PKD2: variants seen among roughly 807,000 people sequenced by gnomAD.
PKD2 encodes the protein polycystin 2, transient receptor potential cation channel.
Under a neutral mutation model 105.9 loss-of-function variants are expected in PKD2, and 48 were observed. The observed-to-expected ratio is 0.45, with a 90% CI of 0.36 to 0.58. PKD2 has a LOEUF of 0.58. Ranked by LOEUF, PKD2 falls within the 20% of genes least tolerant of loss-of-function variation. The pLI is 0.00. For missense variants in PKD2, 1,078 were observed against 1,255.3 expected (o/e 0.86, Z 2.13); for synonymous variants, 464 against 481.1 (o/e 0.96, Z 0.46).
chr4:88,045,173 A>C (rs2110114198), intron 5 of PKD2, among the ~76,000 whole-genome samples: 1 of 152,322 alleles, frequency 6.6e-6, no homozygotes, highest in Non-Finnish European at 1.5e-5. Context: ...TGTTTTTCTA[A>C]GTTTCTGGAA....
chr4:88,067,871 C>T (rs1465630443), intron 12 of PKD2, 27 bp from the exon 13 acceptor site: 4 of 1,609,178 alleles, frequency 2.5e-6, no homozygotes, highest in Non-Finnish European at 3.4e-6. Context: ...TGTTCTGCTC[C>T]TCACTCAGTG....
chr4:88,007,936 C>G lies in PKD2; in HGVS notation c.203C>G (p.Pro68Arg), dbSNP rs751221093. The G allele has an allele frequency of 2.7e-6, 4 of 1,461,504 alleles. No homozygotes were observed. The highest frequency in any genetic ancestry group is 1.5e-5 in the African/African-American group (1 of 68,296). The allele number at this position is 1,461,504 out of a possible 1,614,324, so 90.5% of individuals were successfully genotyped here. A position where few individuals can be genotyped will look rare whatever the true frequency, so the allele number is the denominator to read the frequency against. ...CGGCAGGCGGCCGCGCGGGACCCCC[C>G]GGCCGGAGCCGCGGCCTCCCCTTCT... The part of the protein sequence containing the change: ...RIRQAAARDP[P>R]AGAAASPSPP... Residue 68 changes from proline (P) to arginine (R), a missense_variant, in exon 1 of 15, where the codon CCG becomes CGG. Coordinates refer to ENST00000237596, the MANE Select transcript of PKD2 (RefSeq NM_000297.4).
At chr4:88,016,451 A>C (rs984644882) in intron 1 of PKD2, among the ~76,000 whole-genome samples, 1 of 152,114 alleles carries the variant, frequency 6.6e-6, no homozygotes, top group African/African-American at 2.4e-5. Flanking sequence ...TCCATCCTTA[A>C]CCATTCTTAT....
At chr4:88,038,790 AT>A (rs1161804180) in intron 4 of PKD2, among the ~76,000 whole-genome samples, 2 of 152,308 alleles carry the variant, frequency 1.3e-5, no homozygotes, top group South Asian at 2.1e-4. Flanking sequence ...TTCATTTAAG[AT>A]GCCCTGGGCC....
chr4:88,026,981 A>G (rs972909236), intron 2 of PKD2, among the ~76,000 whole-genome samples: 3 of 152,246 alleles, frequency 2.0e-5, no homozygotes, highest in African/African-American at 4.8e-5. Flanking sequence ...CAGAGGATGT[A>G]TGGAAACACC....
chr4:88,027,510 G>A (rs936894446), intron 2 of PKD2, among the ~76,000 whole-genome samples: 3 of 152,232 alleles, frequency 2.0e-5, no homozygotes, highest in Non-Finnish European at 4.4e-5. Context: ...TCAGGCAGAA[G>A]GGACTTGCCT....
chr4:88,032,033 AT>A (rs1233616688), intron 2 of PKD2, among the ~76,000 whole-genome samples: 1 of 152,066 alleles, frequency 6.6e-6, no homozygotes, highest in Non-Finnish European at 1.5e-5. Flanking sequence ...ATGCGTTTTT[AT>A]TTTTTAACCA....
chr4:88,055,999 C>A lies in PKD2; in HGVS notation c.1717-87C>A, dbSNP rs372392851. The A allele has an allele frequency of 3.3e-6, 3 of 914,252 alleles. No individual in the cohort carries two copies. The East Asian group carries it at 7.2e-5, about 22-fold the overall frequency. The allele number at this position is 914,252 out of a possible 1,614,324, so 56.6% of individuals were successfully genotyped here. ...GTTGTAACCTGTCAGAATTTAATTT[C>A]TTTTCAGGATGAAATAATGTTTTAT... is the stretch of plus-strand genomic sequence containing the variant. On this transcript the variant is annotated intron_variant, in intron 7 of 14. Coordinates refer to ENST00000237596, the MANE Select transcript of PKD2 (RefSeq NM_000297.4).
rs1368782831 is a variant in PKD2 at position 88,016,677 on chromosome 4, AG to A, written c.596-2778del. The stretch of plus-strand genomic sequence containing the variant: ...AGTAATTTAGAAAAAGAAAATACAC[AG>A]GGCCAAGCACAGTGGCTCACATCTG... On this transcript the variant is annotated intron_variant, in intron 1 of 14. Transcript: ENST00000237596. Among the ~76,000 whole-genome samples, 3 of 152,288 alleles carry A rather than the reference AG, an allele frequency of 2.0e-5. No individual in the cohort carries two copies. The East Asian group carries it at 5.8e-4, about 29-fold the overall frequency.
chr4:88,028,021 GTGTAAC>G (rs1161102127), intron 2 of PKD2, among the ~76,000 whole-genome samples: 2 of 152,164 alleles, frequency 1.3e-5, no homozygotes, highest in African/African-American at 4.8e-5. Context: ...TACAGAAAGT[GTGTAAC>G]TTTAAACTCA....
At chr4:88,070,570 TATTTTA>T (rs1328414623) in intron 13 of PKD2, among the ~76,000 whole-genome samples, 11 of 122,636 alleles carry the variant, frequency 9.0e-5, no homozygotes, top group African/African-American at 2.9e-4. Flanking sequence ...TTTATTTATT[TATTTTA>T]TATATATATA....
In PKD2 at chr4:88,011,048, G is replaced by A. The variant is rs79519397; in HGVS notation, c.595+2720G>A. Among the ~76,000 whole-genome samples the A allele has an allele frequency of 4.1e-3, 624 of 152,336 alleles. 7 individuals are homozygous for A. Among genetic ancestry groups the A allele is most frequent in the African/African-American group, 0.014 (591 of 41,580 alleles). On this transcript the variant is annotated intron_variant, in intron 1 of 14. Transcript: ENST00000237596. Reference sequence around the variant, plus strand: ...AGGAGAGCTTGGCAGAGAGAAAGGAGGCAAGAAGACCTGTGGGAGGCAGCC... The same window carrying A: ...AGGAGAGCTTGGCAGAGAGAAAGGAAGCAAGAAGACCTGTGGGAGGCAGCC...
chr4:88,056,788 T>A (rs919157599), intron 8 of PKD2, among the ~76,000 whole-genome samples: 2 of 151,736 alleles, frequency 1.3e-5, no homozygotes, highest in Middle Eastern at 3.2e-3. Context: ...TAGAAAGGAG[T>A]TAGTTTAAAA....
Position 88,071,189 on chromosome 4 carries a change from G to A in PKD2, c.2522+3128G>A, listed in dbSNP as rs1721023017. Among the ~76,000 whole-genome samples the A allele has an allele frequency of 3.3e-5, 5 of 151,736 alleles. 1 individual carries two copies. In the South Asian group the frequency reaches 1.0e-3, roughly 32 times the overall value. ...TCCCACCTCAGCCTCCTAAGTACCT[G>A]ACACTACAGGCATGAGCCACTGTAC... On this transcript the variant is annotated intron_variant, in intron 13 of 14. Transcript: ENST00000237596.
At chr4:88,032,265 T>C in intron 2 of PKD2, among the ~76,000 whole-genome samples, 1 of 152,338 alleles carries the variant, frequency 6.6e-6, no homozygotes, top group African/African-American at 2.4e-5. Flanking sequence ...TTATTTGTTT[T>C]CAATATTTGA....
chr4:88,068,443 C>CTGGG (rs1171584844), intron 13 of PKD2, among the ~76,000 whole-genome samples: 2 of 150,752 alleles, frequency 1.3e-5, no homozygotes, highest in Admixed American at 1.3e-4. Flanking sequence ...GCACACCAGC[C>CTGGG]TGGGCGACAG....
intron 2 of PKD2, among the ~76,000 whole-genome samples, chr4:88,034,530 T>C (rs1021139938): frequency 3.9e-5 from 6 of 151,992 alleles, no homozygotes; most frequent in African/African-American, 7.2e-5. Context: ...CAGCTGGGCA[T>C]GGTAGCACAT....
At chr4:88,011,889 T>C (rs1726392745) in intron 1 of PKD2, among the ~76,000 whole-genome samples, 3 of 25,234 alleles carry the variant, frequency 1.2e-4, no homozygotes, top group Non-Finnish European at 2.5e-4. Flanking sequence ...TTACAGGTTT[T>C]CAATGGGGGG....
chr4:88,041,599 A>G (rs1040033236), intron 4 of PKD2, among the ~76,000 whole-genome samples: 4 of 152,342 alleles, frequency 2.6e-5, no homozygotes, highest in South Asian at 4.1e-4. Flanking sequence ...TGAAATGTCT[A>G]TCAGAGAGAT....
Sources: allele counts gnomAD v4.1 joint callset (sites outside exome capture counted in the v4.1 genomes callset), GRCh38; gene constraint gnomAD v4.1.1; transcripts MANE v1.5; gene names NCBI Gene and HGNC (gene_info 2026-07-23, HGNC 2026-07-21).